The following PPP2R2C variants were observed in gnomAD, a reference collection of about 807,000 sequenced individuals.
PPP2R2C encodes the protein protein phosphatase 2 regulatory subunit Bgamma.
PPP2R2C carries 10 observed loss-of-function variants against 45.3 expected under a neutral mutation model. The observed-to-expected ratio is 0.22, with a 90% CI of 0.14 to 0.37. PPP2R2C has a LOEUF of 0.37. Among genes scored for constraint, PPP2R2C ranks in the 10% least tolerant of loss-of-function variants. PPP2R2C has a pLI of 1.00. For synonymous variants in PPP2R2C, 257 were observed against 245.4 expected, an observed-to-expected ratio of 1.05 and a Z score of -0.44; for missense variants, 308 against 619.7, an observed-to-expected ratio of 0.50 and a Z score of 5.34.
upstream of PPP2R2C, among the ~76,000 whole-genome samples, chr4:6,475,938 G>A (rs1722129010): frequency 6.6e-6 from 1 of 152,052 alleles, no homozygotes; most frequent in East Asian, 1.9e-4. Context: ...AGAGATTAGT[G>A]CCCCTATAGG....
At chr4:6,459,408 T>C (rs1577199333) in intron 1 of PPP2R2C, among the ~76,000 whole-genome samples, 1 of 152,298 alleles carries the variant, frequency 6.6e-6, no homozygotes, top group Admixed American at 6.5e-5. Flanking sequence ...CTCCATATTG[T>C]TGGTTCTTCT....
chr4:6,524,127 G>C (rs954371451), intron 2 of PPP2R2C, among the ~76,000 whole-genome samples: 1 of 151,958 alleles, frequency 6.6e-6, no homozygotes, highest in Non-Finnish European at 1.5e-5. Context: ...TCACCATGTT[G>C]GTCTGGCTGG....
chr4:6,429,671 A>G (rs1194413284), intron 1 of PPP2R2C, among the ~76,000 whole-genome samples: 1 of 152,192 alleles, frequency 6.6e-6, no homozygotes, highest in Admixed American at 6.5e-5. Flanking sequence ...TCCGACAGGG[A>G]TGAAAAGCCA....
intron 5 of PPP2R2C, chr4:6,349,490 A>T (rs1022391432): frequency 1.0e-6 from 1 of 985,170 alleles, no homozygotes. Flanking sequence ...ATTATTTTCT[A>T]TCTGGAAAAT....
chr4:6,323,214 T>G lies in PPP2R2C; in HGVS notation c.*88A>C. 1 of 1,467,184 alleles carries G rather than the reference T, an allele frequency of 6.8e-7. No homozygotes were observed. Among genetic ancestry groups the G allele is most frequent in the Non-Finnish European group, 9.2e-7 (1 of 1,082,478 alleles). 90.9% of individuals were successfully genotyped at this position (1,467,184 alleles called of 1,614,324 possible). On this transcript the variant is annotated 3_prime_UTR_variant, in exon 9 of 9. Transcript: ENST00000382599. ...GCTGTCCTCATCAGTGCTGTGACTT[T>G]CTTCCCCTCCTTGCATTGCGGTCGT...
At chr4:6,493,676 C>T (rs916437810) in intron 2 of PPP2R2C, among the ~76,000 whole-genome samples, 3 of 151,938 alleles carry the variant, frequency 2.0e-5, no homozygotes, top group East Asian at 3.9e-4. Flanking sequence ...TCTCCACACC[C>T]GCAGCGGAAC....
intron 2 of PPP2R2C, among the ~76,000 whole-genome samples, chr4:6,533,933 C>T (rs1196716704): frequency 6.6e-6 from 1 of 151,836 alleles, no homozygotes; most frequent in African/African-American, 2.4e-5. Context: ...CAAACACATA[C>T]ACATCAATAA....
At chr4:6,535,520 A>C in intron 1 of PPP2R2C, 1 of 595,940 alleles carries the variant, frequency 1.7e-6, no homozygotes, top group Non-Finnish European at 2.9e-6. Flanking sequence ...GCCCTGGGCC[A>C]GGGTTGGAAA....
At chr4:6,426,684 T>G (rs2109402324) in intron 1 of PPP2R2C, among the ~76,000 whole-genome samples, 1 of 152,204 alleles carries the variant, frequency 6.6e-6, no homozygotes, top group African/African-American at 2.4e-5. Flanking sequence ...CAGAGTAGAC[T>G]TGGGTGGAGC....
In PPP2R2C at chr4:6,518,254, G is replaced by T. The variant is rs114043648; in HGVS notation, c.49+17017C>A. Among the ~76,000 whole-genome samples the T allele has an allele frequency of 4.8e-3, 735 of 152,156 alleles. 8 individuals carry two copies. The highest frequency in any genetic ancestry group is 0.017 in the African/African-American group (699 of 41,530). On this transcript the variant is annotated intron_variant, in intron 2 of 9. Coordinates refer to the PPP2R2C transcript ENST00000506140. ...CTTCCACTTCAGGAAACTAGGAAAA[G>T]AAGAGCAAATTAAATCCACAGTAAA...
intron 2 of PPP2R2C, among the ~76,000 whole-genome samples, chr4:6,512,269 ATGGTGGGGGTGGTGGTGATGGTGGCGG>A (rs1723628236): frequency 9.9e-5 from 1 of 10,124 alleles, no homozygotes; most frequent in African/African-American, 4.0e-4. Flanking sequence ...GGTGGTGGTG[ATGGTGGGGGTGGTGGTGATGGTGGCGG>A]TGGTGGTGGT....
At chr4:6,500,994 G>C (rs1029827448) in intron 2 of PPP2R2C, among the ~76,000 whole-genome samples, 5 of 152,236 alleles carry the variant, frequency 3.3e-5, no homozygotes, top group African/African-American at 9.6e-5. Flanking sequence ...CAGAATGCCT[G>C]CCTGCTGCCA....
chr4:6,556,194 C>G (rs1177550206), intron 1 of PPP2R2C, among the ~76,000 whole-genome samples: 1 of 152,188 alleles, frequency 6.6e-6, no homozygotes, highest in Non-Finnish European at 1.5e-5. Flanking sequence ...CCAGGTGTGT[C>G]TGTGAGGGTG....
chr4:6,389,010 A>T (rs1454484246), intron 1 of PPP2R2C, among the ~76,000 whole-genome samples: 1 of 151,936 alleles, frequency 6.6e-6, no homozygotes, highest in Admixed American at 6.6e-5. Flanking sequence ...TGGGGGAGAC[A>T]TCGCCCTTGG....
chr4:6,337,110 G>GTA (rs1207923428), intron 6 of PPP2R2C, among the ~76,000 whole-genome samples: 570 of 40,962 alleles, frequency 0.014, 4 homozygotes, highest in Non-Finnish European at 0.019. Flanking sequence ...GTATGTGTGT[G>GTA]TGTATATATA....
intron 1 of PPP2R2C, among the ~76,000 whole-genome samples, chr4:6,451,906 G>A (rs1339243608): frequency 1.3e-5 from 2 of 152,144 alleles, no homozygotes; most frequent in Admixed American, 1.3e-4. Flanking sequence ...CCCAAGAAGG[G>A]CCTGGCTATA....
At chr4:6,554,028 C>G (rs887877200) in intron 1 of PPP2R2C, among the ~76,000 whole-genome samples, 13 of 152,118 alleles carry the variant, frequency 8.5e-5, no homozygotes, top group African/African-American at 2.9e-4. Context: ...GAACTAGAAG[C>G]AAAATTAGTT....
chr4:6,337,917 T>C (rs1239275316), intron 6 of PPP2R2C, among the ~76,000 whole-genome samples: 1 of 152,096 alleles, frequency 6.6e-6, no homozygotes, highest in Non-Finnish European at 1.5e-5. Flanking sequence ...TAAAAGTTCC[T>C]CTTTTTCTTT....
chr4:6,535,474 G>GGCC (rs1395880860), intron 1 of PPP2R2C: 13 of 779,470 alleles, frequency 1.7e-5, no homozygotes, highest in Non-Finnish European at 2.6e-5. Context: ...CGCCACCCAC[G>GGCC]GCCGCCCTGG....
Sources: gnomAD v4.1 joint callset for allele counts (sites outside exome capture counted in the v4.1 genomes callset) on GRCh38, gnomAD v4.1.1 for gene constraint, MANE v1.5 for transcripts, NCBI Gene and HGNC (gene_info 2026-07-23, HGNC 2026-07-21) for gene names.